The following MAP3K9 variants were observed in gnomAD, a reference collection of about 807,000 sequenced individuals.
MAP3K9 encodes the protein mitogen-activated protein kinase kinase kinase 9.
Under a neutral mutation model 95.8 loss-of-function variants are expected in MAP3K9, and 46 were observed. The ratio of observed to expected loss-of-function variants is 0.48; its 90% CI spans 0.38 to 0.61. The LOEUF is 0.61. Ranked by LOEUF, MAP3K9 falls within the 20% of genes least tolerant of loss-of-function variation. The probability of loss-of-function intolerance (pLI) is 0.00; values close to 1 mark genes in which losing one functional copy is unlikely to be tolerated. For missense variants in MAP3K9, 1,296 were observed against 1,474.3 expected, an observed-to-expected ratio of 0.88 and a Z score of 1.98; for synonymous variants, 533 against 593.8, an observed-to-expected ratio of 0.90 and a Z score of 1.49.
intron 2 of MAP3K9, among the ~76,000 whole-genome samples, chr14:70,771,424 C>T (rs1203371935): frequency 6.6e-6 from 1 of 152,048 alleles, no homozygotes. Flanking sequence ...TAGAGGAAGG[C>T]ATATACGTAC....
In MAP3K9 at chr14:70,756,551, C is replaced by A. The variant is rs545257590; in HGVS notation, c.1001+4451G>T. ...TTGGAGCCAGGTGTGCCCACATAACCAAGTGCAGGCAATTGGGTGTGCAGA... is the reference window on the plus strand; with the variant it reads ...TTGGAGCCAGGTGTGCCCACATAACAAAGTGCAGGCAATTGGGTGTGCAGA... On this transcript the variant is annotated intron_variant, in intron 3 of 11. Transcript: ENST00000554752. Among the ~76,000 whole-genome samples, 65 of 152,330 alleles carry A rather than the reference C, an allele frequency of 4.3e-4. 1 individual carries two copies. The highest frequency in any genetic ancestry group is 3.4e-3 in the Middle Eastern group (1 of 294).
intron 2 of MAP3K9, among the ~76,000 whole-genome samples, chr14:70,766,492 C>G (rs570391739): frequency 6.6e-6 from 1 of 152,262 alleles, no homozygotes; most frequent in East Asian, 1.9e-4. Context: ...AATAACCACG[C>G]AATACATTTT....
At chr14:70,777,280 T>C (rs907527624) in intron 2 of MAP3K9, among the ~76,000 whole-genome samples, 5 of 152,208 alleles carry the variant, frequency 3.3e-5, no homozygotes, top group African/African-American at 9.6e-5. Flanking sequence ...TTTTCTAAAA[T>C]GTGTGCCCTA....
intron 2 of MAP3K9, among the ~76,000 whole-genome samples, chr14:70,779,823 T>C (rs1259616458): frequency 1.3e-5 from 2 of 152,216 alleles, no homozygotes; most frequent in Admixed American, 6.5e-5. Flanking sequence ...CTGCATTCAT[T>C]TGGGACATCT....
intron 5 of MAP3K9, 68 bp from the exon 6 acceptor site, chr14:70,742,659 G>T (rs1276896202): frequency 1.3e-6 from 2 of 1,552,860 alleles, no homozygotes; most frequent in African/African-American, 2.7e-5. Context: ...CTGGGGTGAG[G>T]CCTGAGAGCT....
chr14:70,783,380 T>G, intron 2 of MAP3K9: 2 of 985,444 alleles, frequency 2.0e-6, no homozygotes, highest in Non-Finnish European at 2.4e-6. Flanking sequence ...TACCCCTTTT[T>G]AATTCCATCC....
chr14:70,740,596 C>T (rs1354384294), intron 6 of MAP3K9, among the ~76,000 whole-genome samples: 1 of 152,210 alleles, frequency 6.6e-6, no homozygotes, highest in Non-Finnish European at 1.5e-5. Flanking sequence ...TCACTAAGTG[C>T]AGGCACAGCA....
intron 2 of MAP3K9, among the ~76,000 whole-genome samples, chr14:70,781,971 C>T (rs1318278152): frequency 2.0e-5 from 3 of 152,220 alleles, no homozygotes; most frequent in Non-Finnish European, 2.9e-5. Context: ...TCAGTGAACA[C>T]TTGGCTCTGT....
intron 2 of MAP3K9, among the ~76,000 whole-genome samples, chr14:70,790,703 A>G (rs1034792573): frequency 7.2e-5 from 11 of 152,278 alleles, no homozygotes; most frequent in African/African-American, 2.4e-4. Context: ...TAATCTTTAC[A>G]TTATAAGAGG....
chr14:70,801,001 G>A lies in MAP3K9; in HGVS notation c.486C>T (p.Phe162=). 2 of 1,614,118 alleles carry A rather than the reference G, an allele frequency of 1.2e-6. No homozygotes were observed. Among genetic ancestry groups the A allele is most frequent in the Non-Finnish European group, 8.5e-7 (1 of 1,180,028 alleles). ...TCACAGCAACCTCATCCCCTATCCA[G>A]AAAGCACGATAGACCTTCCCAAAGC... ...IGGFGKVYRA[F]WIGDEVAVKA... is the part of the protein sequence containing the mutation. Residue 162 remains phenylalanine, a synonymous_variant, in exon 2 of 12, where the codon TTC becomes TTT. Transcript: ENST00000554752.
intron 3 of MAP3K9, among the ~76,000 whole-genome samples, chr14:70,759,885 G>A (rs2054347675): frequency 6.6e-6 from 1 of 152,070 alleles, no homozygotes; most frequent in Non-Finnish European, 1.5e-5. Context: ...CTCCCACGTA[G>A]CTGGGACTAC....
At chr14:70,778,539 G>T (rs1463298128) in intron 2 of MAP3K9, among the ~76,000 whole-genome samples, 1 of 152,150 alleles carries the variant, frequency 6.6e-6, no homozygotes, top group Admixed American at 6.5e-5. Flanking sequence ...GCCTCCCAAA[G>T]TGCAGGGGTT....
chr14:70,768,647 G>A (rs1453238812), intron 2 of MAP3K9, among the ~76,000 whole-genome samples: 6 of 152,162 alleles, frequency 3.9e-5, no homozygotes, highest in East Asian at 1.9e-4. Context: ...AGGTCAGCAG[G>A]AGAAATCGGG....
chr14:70,794,497 T>G (rs2054840501), intron 2 of MAP3K9, among the ~76,000 whole-genome samples: 1 of 151,486 alleles, frequency 6.6e-6, no homozygotes. Context: ...CAGGCAAGAG[T>G]GTAGTGATTA....
rs185908012 is a variant in MAP3K9, at chr14:70,754,841, G to C, written c.1002-4760C>G. On this transcript the variant is annotated intron_variant, in intron 3 of 11. Transcript: ENST00000554752. The stretch of plus-strand genomic sequence containing the variant: ...ACCTCATCCCACAACCAACAGGCAA[G>C]AAGGCCTTGTGGGACGATGCCCTCT... 3.2e-3 allele frequency among the ~76,000 whole-genome samples: 483 copies of C among 152,240 alleles called. 2 individuals are homozygous for C. The highest frequency in any genetic ancestry group is 4.8e-3 in the Non-Finnish European group (325 of 68,008).
intron 2 of MAP3K9, among the ~76,000 whole-genome samples, chr14:70,790,157 TG>T (rs1191448563): frequency 6.6e-6 from 1 of 152,202 alleles, no homozygotes; most frequent in Non-Finnish European, 1.5e-5. Context: ...CAAGGCCATC[TG>T]TCATGCCCTG....
intron 2 of MAP3K9, chr14:70,765,380 T>C: frequency 1.9e-6 from 1 of 532,254 alleles, no homozygotes; most frequent in East Asian, 3.2e-5. Flanking sequence ...ACAGTGTTTA[T>C]AAGGTCTATG....
chr14:70,787,269 G>A (rs1305226406), intron 2 of MAP3K9, among the ~76,000 whole-genome samples: 1 of 152,072 alleles, frequency 6.6e-6, no homozygotes, highest in Non-Finnish European at 1.5e-5. Context: ...AGCACTTTGG[G>A]AGGCCAAGAC....
rs1359037479 is a variant in MAP3K9, at chr14:70,740,075, G to C, written c.1657C>G (p.Pro553Ala). The change falls in exon 7 of 12, where the codon CCC (proline) becomes GCC (alanine). Residue 553 changes from proline to alanine, a missense_variant. Pro to Ala is a conservative substitution (Grantham distance 27). This residue lies in a region of MAP3K9 where 377 missense variants were observed against 417.1 expected (regional missense o/e 0.90). Coordinates refer to ENST00000554752, the MANE Select transcript of MAP3K9 (RefSeq NM_001284230.2). ...GCTCGAAGGCGAGGAATGATGGTGG[G>C]GCTTGCAGGAGGACTGGAGCGGCTG... ...INSRSSPPASPTIIPRLRAIQ... is the reference protein window; with the variant it reads ...INSRSSPPASATIIPRLRAIQ... 1.2e-6 allele frequency: 2 copies of C among 1,614,022 alleles called. No individual in the cohort carries two copies. The highest frequency in any genetic ancestry group is 2.7e-5 in the African/African-American group (2 of 74,914).
Sources: allele counts gnomAD v4.1 joint callset (sites outside exome capture counted in the v4.1 genomes callset), GRCh38; gene constraint gnomAD v4.1.1; regional missense constraint gnomAD v4.1.1; transcripts MANE v1.5; gene names NCBI Gene and HGNC (gene_info 2026-07-23, HGNC 2026-07-21).